TBC1D22A: variants seen among roughly 807,000 people sequenced by gnomAD.
The protein encoded by TBC1D22A is putative GTPase activator.
In TBC1D22A, 38 loss-of-function variants were observed where a neutral mutation model predicts 60.2. The observed-to-expected ratio is 0.63, with a 90% CI of 0.49 to 0.83. TBC1D22A has a LOEUF of 0.83. Ranked by LOEUF, TBC1D22A falls within the 40% of genes least tolerant of loss-of-function variation. TBC1D22A has a pLI of 0.00. For synonymous variants in TBC1D22A, 302 were observed against 281.7 expected (o/e 1.07, Z -0.72); for missense variants, 628 against 701.0 (o/e 0.90, Z 1.18).
At chr22:46,988,731 C>T (rs985750160) in intron 9 of TBC1D22A, among the ~76,000 whole-genome samples, 1 of 152,220 alleles carries the variant, frequency 6.6e-6, no homozygotes, top group African/African-American at 2.4e-5. Flanking sequence ...AGGCAGAGTA[C>T]TGAGCATGCT....
At chr22:46,832,463 A>G (rs1305313869) in intron 4 of TBC1D22A, among the ~76,000 whole-genome samples, 1 of 152,224 alleles carries the variant, frequency 6.6e-6, no homozygotes, top group Admixed American at 6.5e-5. Context: ...AGCCTGGCCA[A>G]CATGGTGAAA....
At chr22:46,960,329 T>C (rs2073428426) in intron 8 of TBC1D22A, among the ~76,000 whole-genome samples, 1 of 152,012 alleles carries the variant, frequency 6.6e-6, no homozygotes. Context: ...CGGCACGATA[T>C]GGGCTCACTG....
Position 46,777,720 on chromosome 22 carries a change from A to G in TBC1D22A, c.63-14800A>G, listed in dbSNP as rs541842479. Among the ~76,000 whole-genome samples, 35 of 152,246 alleles carry G rather than the reference A, an allele frequency of 2.3e-4. No individual in the cohort carries two copies. Among genetic ancestry groups the G allele is most frequent in the Middle Eastern group, 3.4e-3 (1 of 294 alleles). On this transcript the variant is annotated intron_variant, in intron 1 of 12. Transcript: ENST00000337137. This position sits in a 1 kb window ranked among gnomAD's most constrained non-coding sequence, Gnocchi z 4.5. ...CTGGGCAGGGCCAGGATTGAGTGAGAAGCAGCAAGAAGGAGAGAGGGGAAA... is the reference window on the plus strand; with the variant it reads ...CTGGGCAGGGCCAGGATTGAGTGAGGAGCAGCAAGAAGGAGAGAGGGGAAA...
At chr22:47,093,513 G>A (rs779456905) in intron 11 of TBC1D22A, among the ~76,000 whole-genome samples, 89 of 152,222 alleles carry the variant, frequency 5.8e-4, no homozygotes, top group Non-Finnish European at 8.5e-4. Flanking sequence ...GCTGCCCATC[G>A]GAAAGGCTGG....
chr22:47,071,593 C>T (rs1179820090), intron 11 of TBC1D22A, among the ~76,000 whole-genome samples: 2 of 152,194 alleles, frequency 1.3e-5, no homozygotes, highest in African/African-American at 4.8e-5. Flanking sequence ...TCGGGGCCGG[C>T]GGGAAAGGAT....
intron 8 of TBC1D22A, among the ~76,000 whole-genome samples, chr22:46,946,287 A>G (rs543251627): frequency 6.6e-6 from 1 of 152,272 alleles, no homozygotes; most frequent in African/African-American, 2.4e-5. Flanking sequence ...TGCACAGAGG[A>G]TGCTGTGTGG....
chr22:46,878,300 AAGAGAGAGAAGGAGGTGGGAGGG>A (rs796303277), intron 4 of TBC1D22A, among the ~76,000 whole-genome samples: 2 of 294 alleles, frequency 6.8e-3, no homozygotes, highest in Non-Finnish European at 0.015. Context: ...GGGGGGAAGG[AAGAGAGAGAAGGAGGTGGGAGGG>A]AGAGAGAGAA....
chr22:46,970,655 C>T (rs1282256519), intron 8 of TBC1D22A, among the ~76,000 whole-genome samples: 1 of 152,166 alleles, frequency 6.6e-6, no homozygotes, highest in South Asian at 2.1e-4. Context: ...GCATGCCTGG[C>T]GGACAGTGTG....
chr22:46,785,255 A>T (rs553633615), intron 1 of TBC1D22A, among the ~76,000 whole-genome samples: 1 of 152,318 alleles, frequency 6.6e-6, no homozygotes, highest in South Asian at 2.1e-4. Context: ...TCTAGCAGTG[A>T]TGCAGGCTGT....
At chr22:47,013,325 G>T (rs1373039512) in intron 10 of TBC1D22A, among the ~76,000 whole-genome samples, 1 of 152,138 alleles carries the variant, frequency 6.6e-6, no homozygotes, top group African/African-American at 2.4e-5. Context: ...TTTTCTCCTT[G>T]TGATGATATC....
chr22:47,170,806 A>G (rs1382781214), intron 12 of TBC1D22A, among the ~76,000 whole-genome samples: 3 of 98,300 alleles, frequency 3.1e-5, no homozygotes, highest in East Asian at 4.0e-4. Flanking sequence ...CTCCTGATGC[A>G]GGACCGGAGA....
chr22:47,158,831 G>A (rs1321741053), intron 12 of TBC1D22A, among the ~76,000 whole-genome samples: 6 of 152,098 alleles, frequency 3.9e-5, no homozygotes, highest in Non-Finnish European at 8.8e-5. Flanking sequence ...AGCCAGGGCA[G>A]GACCTGCGTC....
intron 7 of TBC1D22A, among the ~76,000 whole-genome samples, chr22:46,902,794 C>T (rs908335057): frequency 2.0e-5 from 3 of 150,334 alleles, no homozygotes; most frequent in South Asian, 2.1e-4. Context: ...GACAGACACC[C>T]GGTGGGCACG....
At chr22:46,864,474 A>G (rs920064298) in intron 4 of TBC1D22A, among the ~76,000 whole-genome samples, 1 of 152,184 alleles carries the variant, frequency 6.6e-6, no homozygotes, top group Non-Finnish European at 1.5e-5. Context: ...AAATCTGCCA[A>G]AGGCTGGAGA....
At chr22:47,098,660 C>A (rs929563697) in intron 11 of TBC1D22A, among the ~76,000 whole-genome samples, 1 of 151,986 alleles carries the variant, frequency 6.6e-6, no homozygotes, top group African/African-American at 2.4e-5. Context: ...GTGAGGCATC[C>A]CCCCGACTCC....
intron 8 of TBC1D22A, among the ~76,000 whole-genome samples, chr22:46,935,610 A>G (rs2071602814): frequency 2.0e-5 from 3 of 152,090 alleles, no homozygotes; most frequent in Admixed American, 6.5e-5. Flanking sequence ...CTCCTTTCCG[A>G]GTCTAGGAGT....
At chr22:46,892,994 G>T (rs2068481704) in intron 6 of TBC1D22A, among the ~76,000 whole-genome samples, 2 of 152,216 alleles carry the variant, frequency 1.3e-5, no homozygotes, top group South Asian at 4.1e-4. Flanking sequence ...TTCAGGCAGA[G>T]CTGGGCCCGG....
chr22:47,056,001 T>G (rs2063382371), intron 11 of TBC1D22A, among the ~76,000 whole-genome samples: 1 of 146,168 alleles, frequency 6.8e-6, no homozygotes, highest in African/African-American at 2.5e-5. Flanking sequence ...TCCCCATCAT[T>G]GGGACTGTTG....
At chr22:46,853,130 G>T (rs2087373296) in intron 4 of TBC1D22A, among the ~76,000 whole-genome samples, 1 of 152,146 alleles carries the variant, frequency 6.6e-6, no homozygotes, top group Non-Finnish European at 1.5e-5. Context: ...AGAGGATGAC[G>T]GGGCCTTTGC....
Sources: allele counts gnomAD v4.1 joint callset (sites outside exome capture counted in the v4.1 genomes callset), GRCh38; gene constraint gnomAD v4.1.1; non-coding constraint Gnocchi (gnomAD v3.1); transcripts MANE v1.5; gene names NCBI Gene and HGNC (gene_info 2026-07-23, HGNC 2026-07-21).